The following ITGA4 variants were observed in gnomAD, a reference collection of about 807,000 sequenced individuals.
The protein encoded by ITGA4 is integrin alpha-4.
A neutral mutation model predicts 133.6 loss-of-function variants in ITGA4; 63 were observed. That is an observed-to-expected ratio of 0.47 (90% CI 0.38 to 0.58). The LOEUF (loss-of-function observed/expected upper bound fraction) is 0.58, where lower values mean the gene tolerates loss of function less well. Ranked by LOEUF, ITGA4 falls within the 20% of genes least tolerant of loss-of-function variation. ITGA4 has a pLI of 0.00. For missense variants in ITGA4, 1,076 were observed against 1,252.7 expected, an observed-to-expected ratio of 0.86 and a Z score of 2.13; for synonymous variants, 483 against 438.0, an observed-to-expected ratio of 1.10 and a Z score of -1.28.
chr2:181,488,549 A>G (rs1685970733), intron 10 of ITGA4, among the ~76,000 whole-genome samples: 1 of 151,508 alleles, frequency 6.6e-6, no homozygotes, highest in South Asian at 2.1e-4. Flanking sequence ...TACTTGGTCC[A>G]GTTCTTTTTT....
intron 2 of ITGA4, among the ~76,000 whole-genome samples, chr2:181,472,425 A>G (rs576333688): frequency 2.0e-5 from 3 of 152,314 alleles, no homozygotes; most frequent in Non-Finnish European, 2.9e-5. Context: ...AGTGTCTATT[A>G]TACACGCCAT....
Position 181,478,826 on chromosome 2 carries a change from T to A in ITGA4, c.624+2T>A, listed in dbSNP as rs1307854323. The A allele has an allele frequency of 7.0e-7, 1 of 1,425,888 alleles. No homozygotes were observed. Among genetic ancestry groups the A allele is most frequent in the Non-Finnish European group, 9.4e-7 (1 of 1,065,656 alleles). 88.3% of individuals were successfully genotyped at this position (1,425,888 alleles called of 1,614,324 possible). A position where few individuals can be genotyped will look rare whatever the true frequency, so the allele number is the denominator to read the frequency against. ...GGAATATCCAGTTTTTACACAAAGGTAATTGTTCAAAAAATAGCTGCTATA... is the reference window on the plus strand; with the variant it reads ...GGAATATCCAGTTTTTACACAAAGGAAATTGTTCAAAAAATAGCTGCTATA... On this transcript the variant is annotated splice_donor_variant, in intron 5 of 27. Transcript: ENST00000397033. LOFTEE classifies it high-confidence loss of function.
intron 15 of ITGA4, among the ~76,000 whole-genome samples, chr2:181,508,438 G>C (rs1686437815): frequency 6.6e-6 from 1 of 152,084 alleles, no homozygotes; most frequent in African/African-American, 2.4e-5. Context: ...GTTCAAGCCT[G>C]TAATCCCAGC....
At chr2:181,530,495 A>T in intron 23 of ITGA4, 29 bp from the exon 24 acceptor site, 1 of 1,590,884 alleles carries the variant, frequency 6.3e-7, no homozygotes, top group Non-Finnish European at 8.6e-7. Context: ...GTTGAAAGAT[A>T]AGATTTCTCT....
intron 21 of ITGA4, 66 bp downstream of exon 21, chr2:181,525,357 T>A: frequency 1.2e-6 from 1 of 831,462 alleles, no homozygotes; most frequent in Non-Finnish European, 2.0e-6. Context: ...CTTCTTACAT[T>A]AATGAAAAAA....
rs1215185936 is a variant in ITGA4 at position 181,516,664 on chromosome 2, A to G, written c.1922+4889A>G. Among the ~76,000 whole-genome samples, 2 of 152,038 alleles carry G rather than the reference A, an allele frequency of 1.3e-5. No homozygotes were observed. Among genetic ancestry groups the G allele is most frequent in the African/African-American group, 4.8e-5 (2 of 41,418 alleles). ...ATCACAGTAAATTGATCCTGAATCA[A>G]TTATTTTGTTATTGTGATACATTCT... On this transcript the variant is annotated intron_variant, in intron 17 of 27. Transcript: ENST00000397033. The surrounding 1 kb of genome is among the most constrained non-coding windows in gnomAD (Gnocchi z 4.0).
chr2:181,471,996 C>G (rs1330067449), intron 2 of ITGA4, among the ~76,000 whole-genome samples: 1 of 149,746 alleles, frequency 6.7e-6, no homozygotes, highest in African/African-American at 2.4e-5. Context: ...TGGCCCTTTT[C>G]CCAGAGAGCT....
At chr2:181,531,327 C>T (rs6433922) in intron 24 of ITGA4, among the ~76,000 whole-genome samples, 106,904 of 151,952 alleles carry the variant, frequency 0.7, 37,986 homozygotes, top group South Asian at 0.89. Context: ...AAATGATCCA[C>T]GTTTTACAAC....
At chr2:181,492,629 A>G (rs1686075170) in intron 10 of ITGA4, among the ~76,000 whole-genome samples, 1 of 152,168 alleles carries the variant, frequency 6.6e-6, no homozygotes, top group Non-Finnish European at 1.5e-5. Context: ...GTTTTCTTAT[A>G]TTAGTTGATC....
At chr2:181,460,593 G>GTGTGTGTGTT (rs1559034722) in intron 2 of ITGA4, among the ~76,000 whole-genome samples, 5 of 151,892 alleles carry the variant, frequency 3.3e-5, no homozygotes, top group African/African-American at 1.2e-4. Context: ...GTGTGTGTGT[G>GTGTGTGTGTT]TGTGTGTGTG....
chr2:181,490,425 C>A (rs1223880718), intron 10 of ITGA4, among the ~76,000 whole-genome samples: 1 of 149,822 alleles, frequency 6.7e-6, no homozygotes, highest in Non-Finnish European at 1.5e-5. Flanking sequence ...CCACCAGTTC[C>A]ATCCCTGTTG....
rs1685830822 is a variant in ITGA4 at position 181,482,524 on chromosome 2, A to G, written c.914A>G (p.Tyr305Cys). Residue 305 changes from tyrosine (Y) to cysteine (C), a missense_variant, in exon 9 of 28, where the codon TAC (tyrosine) becomes TGC (cysteine). Coordinates refer to ENST00000397033, the MANE Select transcript of ITGA4 (RefSeq NM_000885.6). The part of the protein sequence containing the change: ...HEMKGKKLGS[Y>C]FGASVCAVDL... The stretch of plus-strand genomic sequence containing the variant: ...TTTGTTTTGGGACAGCTTGGATCGT[A>G]CTTTGGAGCTTCTGTCTGTGCTGTG... 6.2e-7 allele frequency: 1 copy of G among 1,613,536 alleles called. No individual in the cohort carries two copies. Among genetic ancestry groups the G allele is most frequent in the Non-Finnish European group, 8.5e-7 (1 of 1,179,758 alleles).
At position 181,537,197 on chromosome 2, in the gene ITGA4, C is replaced by G; in HGVS notation, c.*1670C>G. On this transcript the variant is annotated 3_prime_UTR_variant, in exon 28 of 28. Transcript: ENST00000397033. ...ACATCTAGGATCATAGATGAAAAAT[C>G]AAGCCCCGATTTAGAACTGTCTTCT... is the stretch of plus-strand genomic sequence containing the variant. The G allele has an allele frequency of 2.2e-6, 1 of 453,136 alleles. No homozygotes were observed. Among genetic ancestry groups the G allele is most frequent in the East Asian group, 6.9e-5 (1 of 14,390 alleles). 28.1% of individuals were successfully genotyped at this position (453,136 alleles called of 1,614,324 possible).
At chr2:181,509,577 C>T in intron 15 of ITGA4, 81 bp from the exon 16 acceptor site, 3 of 1,070,744 alleles carry the variant, frequency 2.8e-6, no homozygotes, top group Non-Finnish European at 3.9e-6. Context: ...TAGTGTTTGG[C>T]CCTTTTCAGG....
intron 14 of ITGA4, chr2:181,498,252 CTG>C (rs1376447594): frequency 1.3e-5 from 2 of 153,478 alleles, no homozygotes; most frequent in African/African-American, 4.8e-5. Context: ...GAGCAAAGTG[CTG>C]TGTCTATACT....
intron 7 of ITGA4, among the ~76,000 whole-genome samples, 197 bp downstream of exon 7, chr2:181,481,880 C>G (rs566011387): frequency 6.6e-6 from 1 of 151,962 alleles, no homozygotes; most frequent in Non-Finnish European, 1.5e-5. Flanking sequence ...TGAAAAATTA[C>G]AAAAGTCAAA....
In ITGA4 at chr2:181,482,605, C is replaced by A. The variant is rs1437549653; in HGVS notation, c.995C>A (p.Thr332Asn). The change falls in exon 9 of 28, where the codon ACC (threonine) becomes AAC (asparagine). Residue 332 changes from threonine to asparagine, a missense_variant. By Grantham distance (65) the Thr-to-Asn change is moderately conservative. Transcript: ENST00000397033. ...CTCGTGGGAGCACCCATGCAGAGCA[C>A]CATCAGAGAGGAAGGAAGAGTGTTT... Reference protein sequence around the residue: ...DLLVGAPMQSTIREEGRVFVY... With the variant: ...DLLVGAPMQSNIREEGRVFVY... The A allele has an allele frequency of 4.3e-6, 7 of 1,613,576 alleles. No homozygotes were observed. The African/African-American group carries it at 8.0e-5, about 18-fold the overall frequency.
chr2:181,469,736 T>C (rs572914335), intron 2 of ITGA4, among the ~76,000 whole-genome samples: 10 of 152,138 alleles, frequency 6.6e-5, no homozygotes, highest in African/African-American at 2.4e-4. Context: ...TATGCAGCCA[T>C]AAAAAAGGAT....
At chr2:181,475,770 T>C in intron 4 of ITGA4, 1 of 1,561,380 alleles carries the variant, frequency 6.4e-7, no homozygotes, top group Non-Finnish European at 8.7e-7. Context: ...CAGCAAGAGA[T>C]TCGTGTCTTG....
Sources: gnomAD v4.1 joint callset for allele counts (sites outside exome capture counted in the v4.1 genomes callset) on GRCh38, gnomAD v4.1.1 for gene constraint, Gnocchi (gnomAD v3.1) non-coding constraint, MANE v1.5 for transcripts, NCBI Gene and HGNC (gene_info 2026-07-23, HGNC 2026-07-21) for gene names.